Variants in CPNE8 observed in about 807,000 individuals in gnomAD.
CPNE8 encodes the protein copine 8, also known as copine-8.
In CPNE8, 45 loss-of-function variants were observed where a neutral mutation model predicts 81.5. The ratio of observed to expected loss-of-function variants is 0.55; its 90% confidence interval spans 0.44 to 0.71. CPNE8 has a LOEUF of 0.71. CPNE8 is among the 30% of genes least tolerant of loss of function. CPNE8 has a pLI of 0.00. For synonymous variants in CPNE8, 252 were observed against 226.3 expected (o/e 1.11, Z -1.02); for missense variants, 594 against 672.1 (o/e 0.88, Z 1.28).
chr12:38,680,523 A>T (rs1478128838), intron 16 of CPNE8, among the ~76,000 whole-genome samples: 1 of 152,042 alleles, frequency 6.6e-6, no homozygotes, highest in Non-Finnish European at 1.5e-5. Context: ...TAGCAGAGAT[A>T]AAAAGGCTTA....
chr12:38,899,141 G>A (rs945115649), intron 1 of CPNE8, among the ~76,000 whole-genome samples: 1 of 152,160 alleles, frequency 6.6e-6, no homozygotes, highest in Non-Finnish European at 1.5e-5. Context: ...TTCTAATAGT[G>A]ACAGTCTAAC....
chr12:38,818,107 T>C (rs1455277397), intron 6 of CPNE8, among the ~76,000 whole-genome samples: 3 of 152,090 alleles, frequency 2.0e-5, no homozygotes, highest in African/African-American at 4.8e-5. Context: ...GAGGAGTCAA[T>C]AGATGCAAAG....
At chr12:38,730,237 T>C (rs1298558368) in intron 11 of CPNE8, 46 bp downstream of exon 11, 1 of 1,146,372 alleles carries the variant, frequency 8.7e-7, no homozygotes, top group Non-Finnish European at 1.3e-6. Context: ...AAGCACAGAT[T>C]TATTTATTCT....
At chr12:38,799,281 A>G (rs1592100896) in intron 6 of CPNE8, among the ~76,000 whole-genome samples, 1 of 152,154 alleles carries the variant, frequency 6.6e-6, no homozygotes, top group East Asian at 1.9e-4. Flanking sequence ...TCCAAAATTG[A>G]CCACATACTT....
Position 38,677,525 on chromosome 12 carries a change from T to G in CPNE8, c.1301A>C (p.Gln434Pro). 1 of 1,612,034 alleles carries G rather than the reference T, an allele frequency of 6.2e-7. No homozygotes were observed. Among genetic ancestry groups the G allele is most frequent in the Non-Finnish European group, 8.5e-7 (1 of 1,178,596 alleles). ...RYASSVKDGS[Q>P]YFVLLIVTDG... ...TGTAACAATCAGAAGCACAAAATAC[T>G]GGGAGCCATCCTTTACAGAAGAAGC... is the stretch of plus-strand genomic sequence containing the variant. Residue 434 changes from glutamine (Q) to proline (P), a missense_variant, in exon 17 of 20, where the codon CAG becomes CCG. Physicochemically the swap from Gln to Pro is moderately conservative, Grantham distance 76 (BLOSUM62 -1). Transcript: ENST00000331366.
chr12:38,717,888 C>G (rs1451920961), intron 13 of CPNE8, among the ~76,000 whole-genome samples: 1 of 151,968 alleles, frequency 6.6e-6, no homozygotes, highest in Non-Finnish European at 1.5e-5. Context: ...ACAAAACCAT[C>G]CACAAATGCA....
chr12:38,746,474 C>T (rs1447687544), intron 10 of CPNE8, among the ~76,000 whole-genome samples: 1 of 152,122 alleles, frequency 6.6e-6, no homozygotes, highest in Non-Finnish European at 1.5e-5. Flanking sequence ...AAGATGATAA[C>T]AAAATTGACA....
chr12:38,874,407 A>G (rs1355856704), intron 2 of CPNE8, 64 bp downstream of exon 2: 2 of 1,188,442 alleles, frequency 1.7e-6, no homozygotes, highest in Admixed American at 1.8e-5. Context: ...AACAAGAACT[A>G]TGAGTTTCCT....
chr12:38,885,042 A>T (rs1415546192), intron 1 of CPNE8, among the ~76,000 whole-genome samples: 1 of 152,190 alleles, frequency 6.6e-6, no homozygotes. Flanking sequence ...ACCACAATCA[A>T]TTGAAAAAAA....
intron 6 of CPNE8, among the ~76,000 whole-genome samples, chr12:38,782,665 A>AT (rs1942080755): frequency 6.6e-6 from 1 of 151,540 alleles, no homozygotes; most frequent in South Asian, 2.1e-4. Flanking sequence ...TCTGAACTAC[A>AT]TTTTTTGTTT....
chr12:38,666,679 G>T (rs1403165829), intron 19 of CPNE8, among the ~76,000 whole-genome samples: 2 of 152,148 alleles, frequency 1.3e-5, no homozygotes, highest in Non-Finnish European at 2.9e-5. Context: ...CAGTGTGTTT[G>T]TCTGTTTCTG....
chr12:38,672,720 C>A (rs999385036), intron 18 of CPNE8, among the ~76,000 whole-genome samples: 4 of 152,080 alleles, frequency 2.6e-5, no homozygotes, highest in Non-Finnish European at 4.4e-5. Context: ...AATAAAGGTT[C>A]TTTTTTAGTA....
chr12:38,761,949 A>C (rs186177054), intron 9 of CPNE8, among the ~76,000 whole-genome samples, 163 bp downstream of exon 9: 1 of 152,374 alleles, frequency 6.6e-6, no homozygotes, highest in Admixed American at 6.5e-5. Context: ...TAATAAATTA[A>C]AATTTAAAGC....
At chr12:38,659,925 T>A (rs1591993997) in intron 19 of CPNE8, among the ~76,000 whole-genome samples, 1 of 152,190 alleles carries the variant, frequency 6.6e-6, no homozygotes, top group East Asian at 1.9e-4. Context: ...AAGGACCTCT[T>A]CAAGGAGAAC....
intron 10 of CPNE8, among the ~76,000 whole-genome samples, chr12:38,735,347 A>G (rs1179040576): frequency 6.6e-6 from 1 of 152,048 alleles, no homozygotes; most frequent in African/African-American, 2.4e-5. Flanking sequence ...ACAGTAAAAG[A>G]GGTTTAAATC....
intron 1 of CPNE8, among the ~76,000 whole-genome samples, chr12:38,881,095 G>C (rs1371693052): frequency 2.6e-5 from 4 of 151,670 alleles, no homozygotes; most frequent in Non-Finnish European, 5.9e-5. Flanking sequence ...CTTCATTCCC[G>C]GCTACTCGGG....
intron 4 of CPNE8, among the ~76,000 whole-genome samples, chr12:38,847,517 T>C (rs978984349): frequency 1.3e-5 from 2 of 152,204 alleles, no homozygotes; most frequent in Non-Finnish European, 2.9e-5. Flanking sequence ...ATGAGCCTCA[T>C]TTTTACTATT....
At chr12:38,685,376 G>A in intron 16 of CPNE8, 114 bp downstream of exon 16, 1 of 1,113,746 alleles carries the variant, frequency 9.0e-7, no homozygotes, top group South Asian at 1.7e-5. Flanking sequence ...CCACTTTCTT[G>A]GAGGTAAACT....
intron 3 of CPNE8, among the ~76,000 whole-genome samples, chr12:38,851,929 C>T (rs1051773955): frequency 9.9e-5 from 15 of 152,114 alleles, no homozygotes; most frequent in Non-Finnish European, 5.9e-5. Flanking sequence ...TACCTCATGG[C>T]CTTTGCACCT....
Sources: gnomAD v4.1 joint callset for allele counts (sites outside exome capture counted in the v4.1 genomes callset) on GRCh38, gnomAD v4.1.1 for gene constraint, MANE v1.5 for transcripts, NCBI Gene and HGNC (gene_info 2026-07-23, HGNC 2026-07-21) for gene names.